The following PLS1 variants were observed in gnomAD, a reference collection of about 807,000 sequenced individuals.
The protein encoded by PLS1 is plastin-1.
PLS1 carries 32 observed loss-of-function variants against 73.7 expected under a neutral mutation model. That is an observed-to-expected ratio of 0.43 (90% CI 0.33 to 0.58). The LOEUF (loss-of-function observed/expected upper bound fraction) is 0.58, where lower values mean the gene tolerates loss of function less well. Among genes scored for constraint, PLS1 ranks in the 20% least tolerant of loss-of-function variants. The pLI is 0.04. For missense variants in PLS1, 633 were observed against 740.5 expected (o/e 0.85, Z 1.68); for synonymous variants, 217 against 261.3 (o/e 0.83, Z 1.63).
intron 12 of PLS1, among the ~76,000 whole-genome samples, chr3:142,703,592 G>C (rs979787593): frequency 2.6e-5 from 4 of 152,100 alleles, no homozygotes; most frequent in Non-Finnish European, 4.4e-5. Context: ...GACCACGCCC[G>C]GCCTGGATAG....
intron 1 of PLS1, among the ~76,000 whole-genome samples, chr3:142,638,694 G>A (rs2036760041): frequency 6.6e-6 from 1 of 152,034 alleles, no homozygotes; most frequent in South Asian, 2.1e-4. Context: ...ATTTAGGTGT[G>A]TAAGAAACAC....
intron 1 of PLS1, among the ~76,000 whole-genome samples, chr3:142,600,914 A>ATTTGTTTTT (rs1560024568): frequency 5.3e-5 from 1 of 19,028 alleles, no homozygotes; most frequent in Admixed American, 9.2e-4. Flanking sequence ...ATATATATAT[A>ATTTGTTTTT]TATTTTTTTT....
chr3:142,698,368 G>T, intron 12 of PLS1: 1 of 201,600 alleles, frequency 5.0e-6, no homozygotes, highest in South Asian at 1.1e-4. Context: ...AATGTTTATT[G>T]GTTATCCACT....
intron 1 of PLS1, among the ~76,000 whole-genome samples, chr3:142,605,029 C>A (rs2035994476): frequency 6.6e-6 from 1 of 151,876 alleles, no homozygotes; most frequent in South Asian, 2.1e-4. Flanking sequence ...AGTCTTAGGG[C>A]AATTTAAAGT....
At chr3:142,667,302 C>T (rs1417087212) in intron 2 of PLS1, among the ~76,000 whole-genome samples, 1 of 152,108 alleles carries the variant, frequency 6.6e-6, no homozygotes, top group Admixed American at 6.5e-5. Flanking sequence ...GTAGTCCCAG[C>T]TACTTGGGAG....
At chr3:142,631,606 C>T (rs115529267) in intron 1 of PLS1, among the ~76,000 whole-genome samples, 477 of 130,064 alleles carry the variant, frequency 3.7e-3, no homozygotes, top group African/African-American at 0.013. Context: ...GGGTGCAGTG[C>T]GCCAAGATCA....
At chr3:142,672,365 T>C (rs2037621869) in intron 4 of PLS1, among the ~76,000 whole-genome samples, 1 of 144,938 alleles carries the variant, frequency 6.9e-6, no homozygotes, top group African/African-American at 2.6e-5. Context: ...TTTTTTGAGA[T>C]GGCGTCTCGC....
At chr3:142,671,260 A>G in intron 4 of PLS1, 138 bp downstream of exon 4, 1 of 728,970 alleles carries the variant, frequency 1.4e-6, no homozygotes, top group Non-Finnish European at 2.4e-6. Context: ...AATACTGCAG[A>G]CCACAGTATA....
chr3:142,696,786 A>T (rs1176857461), intron 11 of PLS1, among the ~76,000 whole-genome samples: 1 of 150,696 alleles, frequency 6.6e-6, no homozygotes, highest in Non-Finnish European at 1.5e-5. Context: ...ATGAGAATGA[A>T]TTCATTTAAA....
At chr3:142,674,549 TAATAATAAAGTTGTAC>T (rs1426811678) in intron 4 of PLS1, among the ~76,000 whole-genome samples, 1 of 152,166 alleles carries the variant, frequency 6.6e-6, no homozygotes, top group East Asian at 1.9e-4. Flanking sequence ...ATCTACAGAA[TAATAATAAAGTTGTAC>T]AATGTTTTTA....
intron 4 of PLS1, among the ~76,000 whole-genome samples, chr3:142,673,118 T>A (rs2037642302): frequency 2.6e-5 from 4 of 152,160 alleles, no homozygotes; most frequent in African/African-American, 7.2e-5. Flanking sequence ...TTTTTCTGAC[T>A]GCAGCCTCGA....
chr3:142,697,028 A>G (rs986454864), intron 11 of PLS1, among the ~76,000 whole-genome samples: 3 of 152,268 alleles, frequency 2.0e-5, no homozygotes, highest in South Asian at 4.1e-4. Context: ...TTAGCGAAAC[A>G]TAACTTATTG....
Position 142,712,277 on chromosome 3 carries a change from C to T in PLS1, c.*270C>T, listed in dbSNP as rs1311654044. 2.2e-5 allele frequency: 6 copies of T among 271,504 alleles called. No homozygotes were observed. Among genetic ancestry groups the T allele is most frequent in the South Asian group, 1.1e-4 (1 of 9,050 alleles). 16.8% of individuals were successfully genotyped at this position (271,504 alleles called of 1,614,324 possible). A position where few individuals can be genotyped will look rare whatever the true frequency, so the allele number is the denominator to read the frequency against. On this transcript the variant is annotated 3_prime_UTR_variant, in exon 16 of 16. Coordinates refer to ENST00000457734, the MANE Select transcript of PLS1 (RefSeq NM_001145319.2). ...TAAATTATTTTTGTTGCTTAAAAGT[C>T]GTATTAGACAAGACTAAATCATTCT...
At chr3:142,698,735 G>A (rs2038264470) in intron 12 of PLS1, among the ~76,000 whole-genome samples, 2 of 152,120 alleles carry the variant, frequency 1.3e-5, no homozygotes, top group African/African-American at 4.8e-5. Context: ...CAATGTAAGA[G>A]GAAGTATTCA....
chr3:142,690,688 T>G (rs1019036033), intron 10 of PLS1, among the ~76,000 whole-genome samples: 4 of 152,252 alleles, frequency 2.6e-5, no homozygotes, highest in African/African-American at 9.6e-5. Context: ...TTAGGTTCTA[T>G]AACATATTAT....
chr3:142,621,337 A>AT (rs923214330), intron 1 of PLS1, among the ~76,000 whole-genome samples: 5 of 152,114 alleles, frequency 3.3e-5, no homozygotes, highest in African/African-American at 1.2e-4. Context: ...CACGGCTATA[A>AT]TGTCCCTCAT....
chr3:142,644,408 G>A (rs930302560), intron 1 of PLS1, among the ~76,000 whole-genome samples: 7 of 151,870 alleles, frequency 4.6e-5, no homozygotes, highest in African/African-American at 1.7e-4. Flanking sequence ...ATGTCACCAC[G>A]CCTGGCTAAT....
chr3:142,610,069 A>G (rs1017727439), intron 1 of PLS1, among the ~76,000 whole-genome samples: 2 of 152,198 alleles, frequency 1.3e-5, no homozygotes, highest in Non-Finnish European at 2.9e-5. Context: ...GGGTTTCACC[A>G]TGTTGGCCAA....
intron 1 of PLS1, among the ~76,000 whole-genome samples, chr3:142,640,050 A>T (rs59974288): frequency 0.015 from 2,316 of 152,356 alleles, 58 homozygotes; most frequent in African/African-American, 0.052. Flanking sequence ...ATTGACTGGG[A>T]GAATTTTATA....
Sources: allele counts gnomAD v4.1 joint callset (sites outside exome capture counted in the v4.1 genomes callset), GRCh38; gene constraint gnomAD v4.1.1; transcripts MANE v1.5; gene names NCBI Gene and HGNC (gene_info 2026-07-23, HGNC 2026-07-21).